The following TMC3 variants were observed in gnomAD, a reference collection of about 807,000 sequenced individuals.
TMC3 encodes the protein transmembrane channel-like protein 3.
TMC3 carries 98 observed loss-of-function variants against 110.6 expected under a neutral mutation model. The observed-to-expected ratio is 0.89, with a 90% CI of 0.75 to 1.05. The LOEUF (loss-of-function observed/expected upper bound fraction) is 1.05. Ranked by LOEUF, TMC3 falls within the 50% of genes least tolerant of loss-of-function variation. The pLI, the probability that TMC3 is intolerant of heterozygous loss-of-function variation, is 0.00. For synonymous variants in TMC3, 489 were observed against 513.1 expected (o/e 0.95, Z 0.63); for missense variants, 1,319 against 1,373.2 (o/e 0.96, Z 0.62).
At chr15:81,343,871 G>T (rs565687321) in intron 14 of TMC3, 46 bp downstream of exon 14, 3 of 1,596,486 alleles carry the variant, frequency 1.9e-6, no homozygotes, top group Admixed American at 3.4e-5. Flanking sequence ...AGAAAGGATG[G>T]ATTTGGCCAT....
chr15:81,371,138 CT>C lies in TMC3; in HGVS notation c.236+1452del, dbSNP rs1239563036. On this transcript the variant is annotated intron_variant, in intron 2 of 21. Coordinates refer to ENST00000359440, the MANE Select transcript of TMC3 (RefSeq NM_001080532.3). ...GTGTAGCTTGGGTTAGTCTCTTAAC[CT>C]CTCTGAGTATCAACCTTCTTGTCTG... Among the ~76,000 whole-genome samples, 2 of 152,184 alleles carry C rather than the reference CT, an allele frequency of 1.3e-5. 1 individual carries two copies. Among genetic ancestry groups the C allele is most frequent in the Non-Finnish European group, 2.9e-5 (2 of 68,040 alleles).
intron 5 of TMC3, 99 bp from the exon 6 acceptor site, chr15:81,358,599 A>C (rs756557360): frequency 2.7e-5 from 24 of 875,514 alleles, no homozygotes; most frequent in Middle Eastern, 2.4e-4. Context: ...AATGCCACAC[A>C]TAAGAGATCT....
chr15:81,351,583 C>G (rs1326422042), intron 10 of TMC3, 111 bp downstream of exon 10: 1 of 1,375,006 alleles, frequency 7.3e-7, no homozygotes, highest in Non-Finnish European at 9.9e-7. Flanking sequence ...AACTCCTGAC[C>G]TCAAGTGATC....
chr15:81,332,880 T>TCTC lies in TMC3; in HGVS notation c.2839_2841dup (p.Glu947dup), dbSNP rs771225535. The TCTC allele has an allele frequency of 6.2e-7, 1 of 1,613,306 alleles. No homozygotes were observed. The highest frequency in any genetic ancestry group is 8.5e-7 in the Non-Finnish European group (1 of 1,179,878). ...CGTTTGATCCAATCTCTGCTTGGCG[T>TCTC]CTCCTCCTCTTCTTCACTCAGCTGT... On this transcript the variant is annotated inframe_insertion, in exon 22 of 22. Coordinates refer to ENST00000359440, the MANE Select transcript of TMC3 (RefSeq NM_001080532.3).
intron 1 of TMC3, among the ~76,000 whole-genome samples, chr15:81,373,653 A>G (rs977727495): frequency 2.6e-5 from 4 of 152,184 alleles, no homozygotes; most frequent in Non-Finnish European, 5.9e-5. Context: ...CATGATAGAC[A>G]TATTATCTGC....
chr15:81,341,712 G>A (rs1893720394), intron 15 of TMC3, 194 bp from the exon 16 acceptor site: 1 of 417,372 alleles, frequency 2.4e-6, no homozygotes, highest in Non-Finnish European at 4.3e-6. Context: ...ACTGAAGGTG[G>A]GTATTGATCC....
At chr15:81,336,039 G>A (rs77405748) in intron 20 of TMC3, 5,064 of 152,252 alleles carry the variant, frequency 0.033, 135 homozygotes, top group East Asian at 0.15. Flanking sequence ...CTCCTACTTC[G>A]ATACTTCCTT....
At chr15:81,336,998 T>G (rs972443625) in intron 19 of TMC3, among the ~76,000 whole-genome samples, 1 of 152,068 alleles carries the variant, frequency 6.6e-6, no homozygotes, top group Non-Finnish European at 1.5e-5. Flanking sequence ...AAATGGCCTT[T>G]GTAACTCCAA....
intron 15 of TMC3, among the ~76,000 whole-genome samples, chr15:81,342,493 C>T (rs1265177715): frequency 3.9e-5 from 6 of 152,104 alleles, no homozygotes; most frequent in Non-Finnish European, 5.9e-5. Flanking sequence ...TGATATCTAG[C>T]ACTATTAAAT....
chr15:81,355,618 G>C, intron 9 of TMC3, 107 bp downstream of exon 9: 1 of 773,096 alleles, frequency 1.3e-6, no homozygotes, highest in South Asian at 1.6e-5. Flanking sequence ...AGAAAGAAGA[G>C]CTGCCTGACA....
chr15:81,334,916 T>C lies in TMC3; in HGVS notation c.2263A>G (p.Ser755Gly). 6.2e-7 allele frequency: 1 copy of C among 1,614,062 alleles called. No individual in the cohort carries two copies. Among genetic ancestry groups the C allele is most frequent in the Non-Finnish European group, 8.5e-7 (1 of 1,179,902 alleles). The change falls in exon 21 of 22, where the codon AGC becomes GGC. Residue 755 changes from serine to glycine, a missense_variant. Ser to Gly is a moderately conservative substitution (Grantham distance 56). Transcript: ENST00000359440. The stretch of plus-strand genomic sequence containing the variant: ...CCCGAGTGCGCTGAGGACAGCTGGC[T>C]GGTAAGATCACTGTCGTTTGGAAGC... ...KKLPNDSDLT[S>G]QLSSAHSGTP...
At chr15:81,360,865 A>G (rs1322957820) in intron 4 of TMC3, among the ~76,000 whole-genome samples, 6 of 152,126 alleles carry the variant, frequency 3.9e-5, no homozygotes, top group Non-Finnish European at 8.8e-5. Context: ...CAAGCAGTCC[A>G]TACTCAACAG....
In TMC3 at chr15:81,362,961, T is replaced by C. The variant is rs559082933; in HGVS notation, c.313-660A>G. Among the ~76,000 whole-genome samples the C allele has an allele frequency of 3.3e-5, 5 of 152,256 alleles. No individual in the cohort carries two copies. The South Asian group carries it at 8.3e-4, about 25-fold the overall frequency. ...GCTGTCAGGGATAAGGTCTAAAAAT[T>C]TGTCTTGTATTTTTGGCCAGGCGCG... On this transcript the variant is annotated intron_variant, in intron 3 of 21. Coordinates refer to ENST00000359440, the MANE Select transcript of TMC3 (RefSeq NM_001080532.3).
intron 13 of TMC3, 105 bp from the exon 14 acceptor site, chr15:81,344,150 A>T: frequency 8.0e-7 from 1 of 1,245,950 alleles, no homozygotes; most frequent in Middle Eastern, 2.9e-4. Flanking sequence ...GGCCCCAGCC[A>T]GTGGGCCCCT....
chr15:81,332,652 G>C lies in TMC3; in HGVS notation c.3070C>G (p.Pro1024Ala), dbSNP rs1015063992. 6.2e-7 allele frequency: 1 copy of C among 1,614,040 alleles called. No homozygotes were observed. The highest frequency in any genetic ancestry group is 8.5e-7 in the Non-Finnish European group (1 of 1,179,900). Residue 1024 changes from proline to alanine, a missense_variant, in exon 22 of 22, where the codon CCC (proline) becomes GCC (alanine). Transcript: ENST00000359440. ...PRSRNFQYPQ[P>A]PLKPRGKPRF... The stretch of plus-strand genomic sequence containing the variant: ...GGCTTCCCTCTGGGCTTCAGAGGGG[G>C]CTGTGGGTATTGGAAATTCCGGGAT...
chr15:81,344,677 TA>T, intron 13 of TMC3, 88 bp downstream of exon 13: 1 of 1,321,516 alleles, frequency 7.6e-7, no homozygotes, highest in Non-Finnish European at 1.0e-6. Context: ...CTTTTTTCTA[TA>T]ACATAGGGGC....
chr15:81,352,544 T>C (rs144142238), intron 9 of TMC3, among the ~76,000 whole-genome samples: 184 of 152,386 alleles, frequency 1.2e-3, no homozygotes, highest in Non-Finnish European at 2.1e-3. Flanking sequence ...TGTTACTGGC[T>C]TATGTATTTA....
intron 20 of TMC3, among the ~76,000 whole-genome samples, chr15:81,336,379 G>T (rs1893594901): frequency 6.6e-6 from 1 of 152,140 alleles, no homozygotes; most frequent in African/African-American, 2.4e-5. Context: ...GAGGTCAGGA[G>T]TTTGAGACCA....
intron 9 of TMC3, among the ~76,000 whole-genome samples, chr15:81,353,256 A>G (rs1893990656): frequency 7.3e-6 from 1 of 136,804 alleles, no homozygotes; most frequent in Non-Finnish European, 1.6e-5. Flanking sequence ...TACAAGAGTC[A>G]AACAGTTTTT....
Sources: allele counts gnomAD v4.1 joint callset (sites outside exome capture counted in the v4.1 genomes callset), GRCh38; gene constraint gnomAD v4.1.1; transcripts MANE v1.5; gene names NCBI Gene and HGNC (gene_info 2026-07-23, HGNC 2026-07-21).